Variants in MPIG6B observed in about 807,000 individuals in gnomAD.
MPIG6B encodes the protein immunoglobulin receptor.
A neutral mutation model predicts 24.2 loss-of-function variants in MPIG6B; 22 were observed. That is an observed-to-expected ratio of 0.91 (90% CI 0.65 to 1.30). The LOEUF (loss-of-function observed/expected upper bound fraction) is 1.30. MPIG6B is among the 50% of genes most tolerant of loss of function. MPIG6B has a pLI of 0.00. For synonymous variants in MPIG6B, 136 were observed against 142.0 expected, an observed-to-expected ratio of 0.96 and a Z score of 0.30; for missense variants, 301 against 318.5, an observed-to-expected ratio of 0.94 and a Z score of 0.42.
rs552088777 is a variant in MPIG6B, at chr6:31,725,548, T to C, written c.*474T>C. On this transcript the variant is annotated 3_prime_UTR_variant, in exon 6 of 6. Coordinates refer to ENST00000649779, the MANE Select transcript of MPIG6B (RefSeq NM_138272.3). This position sits in a 1 kb window ranked among gnomAD's most constrained non-coding sequence, Gnocchi z 5.2. ...TTCACTGTGTTAGCCAGGATGGTCTTGATCTGCTAACCTCGTGATCCACCC... is the reference window on the plus strand; with the variant it reads ...TTCACTGTGTTAGCCAGGATGGTCTCGATCTGCTAACCTCGTGATCCACCC... The C allele has an allele frequency of 1.3e-4, 20 of 157,034 alleles. 1 individual carries two copies. In the South Asian group the frequency reaches 3.3e-3, roughly 26 times the overall value. The allele number at this position is 157,034 out of a possible 1,614,324, so 9.7% of individuals were successfully genotyped here.
chr6:31,723,966 AG>A lies in MPIG6B; in HGVS notation c.391del (p.Ala131ProfsTer14), dbSNP rs753518836. The stretch of plus-strand genomic sequence containing the variant: ...GTGCTGGGGGACAGGACCTATTGCA[AG>A]GCCCCCGGGCCTACCCATGGTAGGT... ...LHVLGDRTYC[K>X]APGPTHGSVY... is the part of the protein sequence containing the mutation. On this transcript the variant is annotated frameshift_variant, in exon 2 of 6. Transcript: ENST00000649779. LOFTEE classifies it high-confidence loss of function. This position sits in a 1 kb window ranked among gnomAD's most constrained non-coding sequence, Gnocchi z 4.3. 1 of 1,554,312 alleles carries A rather than the reference AG, an allele frequency of 6.4e-7. No individual in the cohort carries two copies. The highest frequency in any genetic ancestry group is 8.7e-7 in the Non-Finnish European group (1 of 1,147,986).
chr6:31,725,032 G>T lies in MPIG6B; in HGVS notation c.684G>T (p.Ala228=). The change falls in exon 6 of 6, where the codon GCG becomes GCT. Residue 228 remains alanine, a synonymous_variant. Transcript: ENST00000649779. This position sits in a 1 kb window ranked among gnomAD's most constrained non-coding sequence, Gnocchi z 5.2. ...GCAGGCCCCGCCGGCTGTCCACAGC[G>T]GACCCTGCTGATGCCTCCACCATCT... ...ALSRPRRLST[A]DPADASTIYA... is the part of the protein sequence containing the mutation. 6.2e-7 allele frequency: 1 copy of T among 1,613,740 alleles called. No individual in the cohort carries two copies. Among genetic ancestry groups the T allele is most frequent in the Non-Finnish European group, 8.5e-7 (1 of 1,179,962 alleles).
Position 31,725,269 on chromosome 6 carries a change from T to C in MPIG6B, c.*195T>C, listed in dbSNP as rs1244766691. 3.4e-6 allele frequency: 2 copies of C among 587,894 alleles called. No homozygotes were observed. Among genetic ancestry groups the C allele is most frequent in the East Asian group, 5.7e-5 (2 of 35,284 alleles). 36.4% of individuals were successfully genotyped at this position (587,894 alleles called of 1,614,324 possible). ...CTTCTAAACTTACTCCCATCTCTCC[T>C]ATAACCTCCATGTCTCCCTCACCAC... On this transcript the variant is annotated 3_prime_UTR_variant, in exon 6 of 6. Coordinates refer to ENST00000649779, the MANE Select transcript of MPIG6B (RefSeq NM_138272.3). The surrounding 1 kb of genome is among the most constrained non-coding windows in gnomAD (Gnocchi z 5.2).
chr6:31,724,375 C>G (rs1460657687), intron 3 of MPIG6B, 143 bp downstream of exon 3: 5 of 800,682 alleles, frequency 6.2e-6, no homozygotes, highest in Non-Finnish European at 8.2e-6. Flanking sequence ...AAGGTGGGAG[C>G]GAGGCCGCTG....
upstream of MPIG6B, among the ~76,000 whole-genome samples, chr6:31,720,417 G>T (rs1806718597): frequency 6.6e-6 from 1 of 152,186 alleles, no homozygotes; most frequent in Non-Finnish European, 1.5e-5. The surrounding 1 kb of genome is among the most constrained non-coding windows in gnomAD (Gnocchi z 4.9). Flanking sequence ...CTTTGTGAAA[G>T]GCCCACGCCC....
chr6:31,723,651 GC>G lies in MPIG6B; in HGVS notation c.76del (p.Arg26AlafsTer6). ...AQGNPGASLD[G>X]RPGDRVNLSC... ...CGGCCTCTCCTAGCTTCTCTGGACG[GC>G]CGCCCTGGGGACCGGGTGAATCTCT... On this transcript the variant is annotated frameshift_variant, in exon 2 of 6. Coordinates refer to ENST00000649779, the MANE Select transcript of MPIG6B (RefSeq NM_138272.3). LOFTEE classifies it high-confidence loss of function. This position sits in a 1 kb window ranked among gnomAD's most constrained non-coding sequence, Gnocchi z 4.3. The G allele has an allele frequency of 6.4e-7, 1 of 1,570,680 alleles. No individual in the cohort carries two copies. Among genetic ancestry groups the G allele is most frequent in the Non-Finnish European group, 8.6e-7 (1 of 1,159,468 alleles).
rs1562172054 is a variant in MPIG6B at position 31,723,743 on chromosome 6, C to T, written c.166C>T (p.Leu56=). The change falls in exon 2 of 6, where the codon CTG becomes TTG. Residue 56 remains leucine (L), a synonymous_variant. Coordinates refer to ENST00000649779, the MANE Select transcript of MPIG6B (RefSeq NM_138272.3). This position sits in a 1 kb window ranked among gnomAD's most constrained non-coding sequence, Gnocchi z 4.3. The part of the protein sequence containing the change: ...WAPSFPACKG[L]SKGRRPILWA... Reference sequence around the variant, plus strand: ...ACCCAGCTTCCCGGCCTGCAAGGGCCTGTCCAAAGGACGCCGACCGATCCT... The same window carrying T: ...ACCCAGCTTCCCGGCCTGCAAGGGCTTGTCCAAAGGACGCCGACCGATCCT... The T allele has an allele frequency of 6.2e-7, 1 of 1,613,700 alleles. No homozygotes were observed. Among genetic ancestry groups the T allele is most frequent in the South Asian group, 1.1e-5 (1 of 91,070 alleles).
Position 31,725,260 on chromosome 6 carries a change from C to A in MPIG6B, c.*186C>A. On this transcript the variant is annotated 3_prime_UTR_variant, in exon 6 of 6. Transcript: ENST00000649779. The surrounding 1 kb of genome is among the most constrained non-coding windows in gnomAD (Gnocchi z 5.2). ...CTGGTCTTACTTCTAAACTTACTCC[C>A]ATCTCTCCTATAACCTCCATGTCTC... The A allele has an allele frequency of 1.7e-6, 1 of 597,000 alleles. No individual in the cohort carries two copies. Among genetic ancestry groups the A allele is most frequent in the Non-Finnish European group, 3.0e-6 (1 of 335,794 alleles). The allele number at this position is 597,000 out of a possible 1,614,324, so 37.0% of individuals were successfully genotyped here.
chr6:31,724,352 A>C, intron 3 of MPIG6B, 120 bp downstream of exon 3: 1 of 927,536 alleles, frequency 1.1e-6, no homozygotes, highest in Non-Finnish European at 1.7e-6. Flanking sequence ...TTGGCGAAGA[A>C]TGGGAGAGGT....
chr6:31,723,243 G>C, upstream of MPIG6B: 1 of 718,942 alleles, frequency 1.4e-6, no homozygotes, highest in Non-Finnish European at 2.5e-6. This position sits in a 1 kb window ranked among gnomAD's most constrained non-coding sequence, Gnocchi z 4.3. Flanking sequence ...AAGGGATCTG[G>C]GCAGCTGGTG....
rs371754156 is a variant in MPIG6B, at chr6:31,723,583, G to A, written c.62-56G>A. 3 of 1,447,600 alleles carry A rather than the reference G, an allele frequency of 2.1e-6. No homozygotes were observed. Among genetic ancestry groups the A allele is most frequent in the African/African-American group, 1.4e-5 (1 of 71,206 alleles). 89.7% of individuals were successfully genotyped at this position (1,447,600 alleles called of 1,614,324 possible). A position where few individuals can be genotyped will look rare whatever the true frequency, so the allele number is the denominator to read the frequency against. ...AGAGAAGAGAAAGAGGAGACGGGAT[G>A]GAGGGTCGTCTTGCCCTGTGGACGT... is the stretch of plus-strand genomic sequence containing the variant. On this transcript the variant is annotated intron_variant, in intron 1 of 5. Coordinates refer to ENST00000649779, the MANE Select transcript of MPIG6B (RefSeq NM_138272.3). The surrounding 1 kb of genome is among the most constrained non-coding windows in gnomAD (Gnocchi z 4.3).
chr6:31,724,170 G>A lies in MPIG6B; in HGVS notation c.438G>A (p.Pro146=), dbSNP rs140027534. Residue 146 remains proline, a synonymous_variant, in exon 3 of 6, where the codon CCG becomes CCA. Coordinates refer to ENST00000649779, the MANE Select transcript of MPIG6B (RefSeq NM_138272.3). Reference sequence around the variant, plus strand: ...CCGTGTATCCCCAGCTCCTGATCCCGCTGCTGGGCGCTGGGTTGGTGCTCG... The same window carrying A: ...CCGTGTATCCCCAGCTCCTGATCCCACTGCTGGGCGCTGGGTTGGTGCTCG... ...HGSVYPQLLI[P]LLGAGLVLGL... 1.2e-4 allele frequency: 186 copies of A among 1,612,958 alleles called. No homozygotes were observed. The highest frequency in any genetic ancestry group is 1.6e-4 in the Non-Finnish European group (183 of 1,179,914).
chr6:31,723,614 A>AGG lies in MPIG6B; in HGVS notation c.62-25_62-24insGG, dbSNP rs1807006535. 1 of 1,532,072 alleles carries AGG rather than the reference A, an allele frequency of 6.5e-7. No individual in the cohort carries two copies. Among genetic ancestry groups the AGG allele is most frequent in the African/African-American group, 1.4e-5 (1 of 72,800 alleles). The allele number at this position is 1,532,072 out of a possible 1,614,324, so 94.9% of individuals were successfully genotyped here. On this transcript the variant is annotated intron_variant, in intron 1 of 5. Coordinates refer to ENST00000649779, the MANE Select transcript of MPIG6B (RefSeq NM_138272.3). The surrounding 1 kb of genome is among the most constrained non-coding windows in gnomAD (Gnocchi z 4.3). The stretch of plus-strand genomic sequence containing the variant: ...TCGTCTTGCCCTGTGGACGTGCCCT[A>AGG]ACCACAGCCTCCGGCCTCTCCTAGC...
Position 31,723,572 on chromosome 6 carries a change from G to C in MPIG6B, c.62-67G>C. Reference sequence around the variant, plus strand: ...GAGTGCAGAACAGAGAAGAGAAAGAGGAGACGGGATGGAGGGTCGTCTTGC... The same window carrying C: ...GAGTGCAGAACAGAGAAGAGAAAGACGAGACGGGATGGAGGGTCGTCTTGC... On this transcript the variant is annotated intron_variant, in intron 1 of 5. Coordinates refer to ENST00000649779, the MANE Select transcript of MPIG6B (RefSeq NM_138272.3). The surrounding 1 kb of genome is among the most constrained non-coding windows in gnomAD (Gnocchi z 4.3). 7.0e-7 allele frequency: 1 copy of C among 1,431,860 alleles called. No homozygotes were observed. Among genetic ancestry groups the C allele is most frequent in the Non-Finnish European group, 9.6e-7 (1 of 1,046,412 alleles). 88.7% of individuals were successfully genotyped at this position (1,431,860 alleles called of 1,614,324 possible). A position where few individuals can be genotyped will look rare whatever the true frequency, so the allele number is the denominator to read the frequency against.
At chr6:31,721,754 G>C, upstream of MPIG6B, 1 of 1,518,050 alleles carries the variant, frequency 6.6e-7, no homozygotes, top group Non-Finnish European at 9.1e-7. Context: ...TCTAGGAGTT[G>C]AGTGGCCTTT....
In MPIG6B at chr6:31,725,258, C is replaced by T. The variant is rs1185862784; in HGVS notation, c.*184C>T. The T allele has an allele frequency of 3.3e-6, 2 of 597,186 alleles. No homozygotes were observed. The highest frequency in any genetic ancestry group is 6.0e-6 in the Non-Finnish European group (2 of 335,858). The allele number at this position is 597,186 out of a possible 1,614,324, so 37.0% of individuals were successfully genotyped here. A position where few individuals can be genotyped will look rare whatever the true frequency, so the allele number is the denominator to read the frequency against. ...CACTGGTCTTACTTCTAAACTTACT[C>T]CCATCTCTCCTATAACCTCCATGTC... On this transcript the variant is annotated 3_prime_UTR_variant, in exon 6 of 6. Coordinates refer to ENST00000649779, the MANE Select transcript of MPIG6B (RefSeq NM_138272.3). This position sits in a 1 kb window ranked among gnomAD's most constrained non-coding sequence, Gnocchi z 5.2.
upstream of MPIG6B, chr6:31,721,986 C>A: frequency 2.4e-6 from 1 of 418,384 alleles, no homozygotes; most frequent in East Asian, 3.9e-5. Context: ...CCTTCCTGGT[C>A]CCCAGCTAAG....
chr6:31,723,100 A>G, upstream of MPIG6B: 1 of 517,934 alleles, frequency 1.9e-6, no homozygotes, highest in South Asian at 2.0e-5. This position sits in a 1 kb window ranked among gnomAD's most constrained non-coding sequence, Gnocchi z 4.3. Flanking sequence ...CTCCCTCCTC[A>G]GCCTCCTAAG....
At chr6:31,722,208 C>T (rs969266422), upstream of MPIG6B, among the ~76,000 whole-genome samples, 1 of 152,188 alleles carries the variant, frequency 6.6e-6, no homozygotes, top group Non-Finnish European at 1.5e-5. Flanking sequence ...AATCTCCATT[C>T]AGCCCCCACT....
Sources: allele counts gnomAD v4.1 joint callset (sites outside exome capture counted in the v4.1 genomes callset), GRCh38; gene constraint gnomAD v4.1.1; non-coding constraint Gnocchi (gnomAD v3.1); transcripts MANE v1.5; gene names NCBI Gene and HGNC (gene_info 2026-07-23, HGNC 2026-07-21).